MDGA2: variants seen among roughly 807,000 people sequenced by gnomAD.
MDGA2 encodes MAM domain-containing glycosylphosphatidylinositol anchor protein 2.
In MDGA2, 40 loss-of-function variants were observed where a neutral mutation model predicts 117.8. That is an observed-to-expected ratio of 0.34 (90% CI 0.26 to 0.44). The LOEUF is 0.44. Among genes scored for constraint, MDGA2 ranks in the 20% least tolerant of loss-of-function variants. MDGA2 has a pLI of 1.00. For missense variants in MDGA2, 1,123 were observed against 1,250.6 expected (o/e 0.90, Z 1.54); for synonymous variants, 452 against 439.0 (o/e 1.03, Z -0.37).
At chr14:47,092,922 C>A (rs1879747341) in intron 6 of MDGA2, among the ~76,000 whole-genome samples, 1 of 152,042 alleles carries the variant, frequency 6.6e-6, no homozygotes, top group Non-Finnish European at 1.5e-5. Context: ...CACTGGACAC[C>A]TCTCTTTGAT....
chr14:47,200,619 C>A, intron 3 of MDGA2: 1 of 1,253,374 alleles, frequency 8.0e-7, no homozygotes, highest in Non-Finnish European at 1.1e-6. Flanking sequence ...GTATATTTGT[C>A]AATTTTCTTC....
At chr14:46,918,918 T>A (rs1373380722) in intron 10 of MDGA2, among the ~76,000 whole-genome samples, 2 of 152,014 alleles carry the variant, frequency 1.3e-5, no homozygotes, top group Admixed American at 1.3e-4. Context: ...CCCGTCAACA[T>A]GCCCGGCTAA....
At chr14:47,626,794 C>T (rs981534848) in intron 1 of MDGA2, among the ~76,000 whole-genome samples, 1 of 152,230 alleles carries the variant, frequency 6.6e-6, no homozygotes, top group Non-Finnish European at 1.5e-5. Flanking sequence ...CTGAGCATCC[C>T]CCACCCTCTG....
intron 4 of MDGA2, among the ~76,000 whole-genome samples, chr14:47,140,335 CA>C (rs1882664127): frequency 1.3e-5 from 2 of 151,860 alleles, no homozygotes; most frequent in African/African-American, 4.8e-5. Context: ...AAACACAATC[CA>C]AAATTTCTAT....
intron 1 of MDGA2, among the ~76,000 whole-genome samples, chr14:47,455,638 T>C (rs1303395153): frequency 1.3e-5 from 2 of 152,216 alleles, no homozygotes; most frequent in African/African-American, 4.8e-5. Flanking sequence ...GAAACAGTAG[T>C]AACAGTAGTT....
chr14:47,631,569 C>T (rs1358765952), intron 1 of MDGA2, among the ~76,000 whole-genome samples: 1 of 152,174 alleles, frequency 6.6e-6, no homozygotes, highest in Non-Finnish European at 1.5e-5. Flanking sequence ...TCATACATTA[C>T]CCTGTTAGCC....
chr14:47,344,876 AGT>A (rs59134154), intron 1 of MDGA2, among the ~76,000 whole-genome samples: 10 of 150,854 alleles, frequency 6.6e-5, no homozygotes, highest in Non-Finnish European at 7.4e-5. Context: ...TGTGTATGAG[AGT>A]GTGTGTGTGT....
chr14:47,400,296 A>G (rs1368250550), intron 1 of MDGA2, among the ~76,000 whole-genome samples: 1 of 152,164 alleles, frequency 6.6e-6, no homozygotes, highest in African/African-American at 2.4e-5. Context: ...ACAAAACTGT[A>G]CATTCAATGT....
At chr14:46,998,956 C>T (rs1482933706) in intron 8 of MDGA2, among the ~76,000 whole-genome samples, 3 of 151,930 alleles carry the variant, frequency 2.0e-5, no homozygotes, top group Admixed American at 6.6e-5. Context: ...AGGAACCTAC[C>T]CTTCCCAGTA....
chr14:47,522,337 G>A (rs199508675), intron 1 of MDGA2, among the ~76,000 whole-genome samples: 1 of 109,384 alleles, frequency 9.1e-6, no homozygotes, highest in African/African-American at 3.7e-5. Context: ...GTGTATGTGT[G>A]TATATATGTA....
intron 11 of MDGA2, among the ~76,000 whole-genome samples, chr14:46,878,703 A>G (rs1273224160): frequency 1.3e-5 from 2 of 152,056 alleles, no homozygotes; most frequent in Non-Finnish European, 2.9e-5. Context: ...AAAAATAACA[A>G]TTTAATTTTT....
intron 7 of MDGA2, among the ~76,000 whole-genome samples, chr14:47,036,547 C>T (rs1888863666): frequency 6.6e-6 from 1 of 152,096 alleles, no homozygotes. Flanking sequence ...AGTAGAACAT[C>T]TATCAAAAAA....
At chr14:47,170,659 A>G (rs914578035) in intron 3 of MDGA2, among the ~76,000 whole-genome samples, 3 of 152,172 alleles carry the variant, frequency 2.0e-5, no homozygotes, top group African/African-American at 7.2e-5. Flanking sequence ...TAGAACTTTA[A>G]TGCATTATTA....
chr14:46,893,587 C>G lies in MDGA2; in HGVS notation c.2239-11366G>C, dbSNP rs193292870. Reference sequence around the variant, plus strand: ...CGTTAATTTGCGAGACTGTAGTAATCATTGTATTATGTATATTTATATCAA... The same window carrying G: ...CGTTAATTTGCGAGACTGTAGTAATGATTGTATTATGTATATTTATATCAA... On this transcript the variant is annotated intron_variant, in intron 10 of 16. Coordinates refer to ENST00000399232, the MANE Select transcript of MDGA2 (RefSeq NM_001113498.3). 2.0e-3 allele frequency among the ~76,000 whole-genome samples: 311 copies of G among 151,990 alleles called. 2 individuals carry two copies. Among genetic ancestry groups the G allele is most frequent in the African/African-American group, 7.2e-3 (300 of 41,506 alleles).
intron 8 of MDGA2, among the ~76,000 whole-genome samples, chr14:46,981,544 A>C (rs1015864016): frequency 6.6e-6 from 1 of 152,226 alleles, no homozygotes; most frequent in Non-Finnish European, 1.5e-5. Context: ...AAGTTAAAGA[A>C]GATAAGGCGT....
chr14:47,169,451 A>G (rs1884030484), intron 3 of MDGA2, among the ~76,000 whole-genome samples: 1 of 151,886 alleles, frequency 6.6e-6, no homozygotes, highest in African/African-American at 2.4e-5. Context: ...GTCAGATATA[A>G]TTGTAACTAT....
At chr14:47,373,347 G>C (rs1891407440) in intron 1 of MDGA2, among the ~76,000 whole-genome samples, 1 of 151,710 alleles carries the variant, frequency 6.6e-6, no homozygotes, top group South Asian at 2.1e-4. Flanking sequence ...AGAAATGAAA[G>C]CATATATGCA....
intron 9 of MDGA2, among the ~76,000 whole-genome samples, chr14:46,956,743 T>G: frequency 6.6e-6 from 1 of 152,164 alleles, no homozygotes; most frequent in East Asian, 1.9e-4. Context: ...ACTGATATGG[T>G]TTGGCTCTGT....
intron 1 of MDGA2, among the ~76,000 whole-genome samples, chr14:47,328,407 G>T (rs1890203079): frequency 6.6e-6 from 1 of 152,134 alleles, no homozygotes; most frequent in South Asian, 2.1e-4. Flanking sequence ...ACATATTAAA[G>T]AACCTATTCT....
Sources: allele counts gnomAD v4.1 joint callset (sites outside exome capture counted in the v4.1 genomes callset), GRCh38; gene constraint gnomAD v4.1.1; transcripts MANE v1.5; gene names NCBI Gene and HGNC (gene_info 2026-07-23, HGNC 2026-07-21).